Variants in PPP3CA observed in about 807,000 individuals in gnomAD.
The protein encoded by PPP3CA is protein phosphatase 3 catalytic subunit alpha.
PPP3CA carries 14 observed loss-of-function variants against 66.5 expected under a neutral mutation model. That is an observed-to-expected ratio of 0.21 (90% CI 0.14 to 0.33). The LOEUF is 0.33. Ranked by LOEUF, PPP3CA falls within the 10% of genes least tolerant of loss-of-function variation. The pLI, the probability that PPP3CA is intolerant of heterozygous loss-of-function variation, is 1.00. For synonymous variants in PPP3CA, 232 were observed against 226.2 expected (o/e 1.03, Z -0.23); for missense variants, 317 against 639.5 (o/e 0.50, Z 5.44).
chr4:101,192,007 T>C (rs910802683), intron 2 of PPP3CA, among the ~76,000 whole-genome samples: 2 of 152,160 alleles, frequency 1.3e-5, no homozygotes, highest in African/African-American at 2.4e-5. Context: ...TTCTAAATCA[T>C]TCTATTCAAA....
chr4:101,159,087 A>T (rs1156254878), intron 2 of PPP3CA, among the ~76,000 whole-genome samples: 1 of 152,184 alleles, frequency 6.6e-6, no homozygotes, highest in African/African-American at 2.4e-5. Context: ...TATGCAGACG[A>T]GGAAACTGAG....
chr4:101,165,846 TAAC>T (rs1723678171), intron 2 of PPP3CA, among the ~76,000 whole-genome samples: 1 of 152,172 alleles, frequency 6.6e-6, no homozygotes, highest in African/African-American at 2.4e-5. Flanking sequence ...ATTTTCTATA[TAAC>T]AACAGAAGTG....
At chr4:101,272,333 A>C (rs1324978535) in intron 1 of PPP3CA, among the ~76,000 whole-genome samples, 1 of 152,234 alleles carries the variant, frequency 6.6e-6, no homozygotes, top group Non-Finnish European at 1.5e-5. Context: ...AATAATTATA[A>C]GAATTATAAG....
intron 1 of PPP3CA, among the ~76,000 whole-genome samples, chr4:101,311,817 C>T (rs1054265080): frequency 4.6e-5 from 7 of 152,112 alleles, no homozygotes; most frequent in Admixed American, 4.6e-4. Flanking sequence ...TATGATGCTG[C>T]AATTTTTCTG....
At chr4:101,288,865 T>C (rs1251475186) in intron 1 of PPP3CA, among the ~76,000 whole-genome samples, 1 of 152,046 alleles carries the variant, frequency 6.6e-6, no homozygotes, top group Non-Finnish European at 1.5e-5. Flanking sequence ...CACACACATA[T>C]ACACAGGCAC....
chr4:101,279,816 G>A (rs1429320739), intron 1 of PPP3CA, among the ~76,000 whole-genome samples: 1 of 152,210 alleles, frequency 6.6e-6, no homozygotes, highest in East Asian at 1.9e-4. Flanking sequence ...GAAGAAGCTA[G>A]AATGAGCAAT....
At chr4:101,037,196 G>A (rs1490172809) in intron 11 of PPP3CA, among the ~76,000 whole-genome samples, 1 of 152,164 alleles carries the variant, frequency 6.6e-6, no homozygotes, top group African/African-American at 2.4e-5. Flanking sequence ...AAATGCTGAG[G>A]TGGAAGCTCT....
At position 101,187,664 on chromosome 4, in the gene PPP3CA, CTTGA is replaced by C. The variant is rs1183951938; in HGVS notation, c.259+8248_259+8251del. On this transcript the variant is annotated intron_variant, in intron 2 of 13. Transcript: ENST00000394854. Reference sequence around the variant, plus strand: ...TTTCAAATGAATAATGTGTTTCATGCTTGATTATCTGAGAATCTCTTATTCGCCA... The same window carrying C: ...TTTCAAATGAATAATGTGTTTCATGCTTATCTGAGAATCTCTTATTCGCCA... 7.9e-5 allele frequency among the ~76,000 whole-genome samples: 12 copies of C among 152,244 alleles called. No homozygotes were observed. The East Asian group carries it at 2.3e-3, about 29-fold the overall frequency.
At chr4:101,146,681 T>C (rs1722980546) in intron 2 of PPP3CA, among the ~76,000 whole-genome samples, 1 of 152,132 alleles carries the variant, frequency 6.6e-6, no homozygotes, top group Non-Finnish European at 1.5e-5. Flanking sequence ...GACCTCGTGA[T>C]CTGCCCACCT....
In PPP3CA at chr4:101,269,553, CGTGTGTGTGTGTGTGTGT is replaced by C. The variant is rs55721209; in HGVS notation, c.59-73455_59-73438del. On this transcript the variant is annotated intron_variant, in intron 1 of 13. Coordinates refer to ENST00000394854, the MANE Select transcript of PPP3CA (RefSeq NM_000944.5). ...ACATAAGCTCCATACAAACAAGGAA[CGTGTGTGTGTGTGTGTGT>C]GTGTGTGTGTGTGTGTGTGTGTGTG... Among the ~76,000 whole-genome samples the C allele has an allele frequency of 8.1e-3, 1,103 of 135,978 alleles. 17 individuals carry two copies. The highest frequency in any genetic ancestry group is 0.053 in the East Asian group (258 of 4,848). The allele number at this position is 135,978 out of a possible 152,430, so 89.2% of individuals were successfully genotyped here.
At chr4:101,242,886 T>C (rs1726357994) in intron 1 of PPP3CA, among the ~76,000 whole-genome samples, 1 of 152,140 alleles carries the variant, frequency 6.6e-6, no homozygotes, top group Non-Finnish European at 1.5e-5. Flanking sequence ...TATGATCACA[T>C]ACTGCACTCC....
At position 101,050,738 on chromosome 4, in the gene PPP3CA, T is replaced by C. The variant is rs1488916248; in HGVS notation, c.1157-10172A>G. ...GTTAAATAAGTAATGTGCTCATTCA[T>C]TCTCAACATTCAAAAAATAAATGTG... is the stretch of plus-strand genomic sequence containing the variant. On this transcript the variant is annotated intron_variant, in intron 10 of 13. Coordinates refer to ENST00000394854, the MANE Select transcript of PPP3CA (RefSeq NM_000944.5). Among the ~76,000 whole-genome samples, 4 of 152,302 alleles carry C rather than the reference T, an allele frequency of 2.6e-5. No individual in the cohort carries two copies. In the East Asian group the frequency reaches 7.7e-4, roughly 29 times the overall value.
chr4:101,254,192 G>A (rs1005673151), intron 1 of PPP3CA, among the ~76,000 whole-genome samples: 23 of 151,960 alleles, frequency 1.5e-4, no homozygotes, highest in African/African-American at 4.8e-4. Flanking sequence ...ATTGGTTTAC[G>A]TATCTGCCTG....
chr4:101,079,083 A>C (rs200139689), intron 8 of PPP3CA, among the ~76,000 whole-genome samples: 1 of 152,208 alleles, frequency 6.6e-6, no homozygotes, highest in East Asian at 1.9e-4. Context: ...AACACCATCC[A>C]GCAGATGTCA....
chr4:101,118,244 G>GA (rs1721909322), intron 2 of PPP3CA, among the ~76,000 whole-genome samples: 1 of 151,982 alleles, frequency 6.6e-6, no homozygotes, highest in Non-Finnish European at 1.5e-5. Flanking sequence ...CAATGGTTAG[G>GA]AACTAAGACT....
intron 10 of PPP3CA, among the ~76,000 whole-genome samples, chr4:101,052,373 T>C (rs1728049179): frequency 6.6e-6 from 1 of 152,068 alleles, no homozygotes; most frequent in Non-Finnish European, 1.5e-5. Context: ...TTCAGACATC[T>C]TTTAGTTTTA....
intron 10 of PPP3CA, among the ~76,000 whole-genome samples, chr4:101,054,354 T>C (rs1728135941): frequency 6.6e-6 from 1 of 152,074 alleles, no homozygotes. Flanking sequence ...AATTTATTAA[T>C]TCCATTTAGA....
Position 101,346,848 on chromosome 4 carries a change from C to A in PPP3CA, c.-52G>T. 6.3e-7 allele frequency: 1 copy of A among 1,582,954 alleles called. No homozygotes were observed. On this transcript the variant is annotated 5_prime_UTR_variant, in exon 1 of 14. Coordinates refer to ENST00000394854, the MANE Select transcript of PPP3CA (RefSeq NM_000944.5). The stretch of plus-strand genomic sequence containing the variant: ...GCTGCTCGTCCGTCCGACTGCACAC[C>A]CCGACCGGACCGGCGGGCCAGACAC...
At chr4:101,153,126 T>C (rs1723196414) in intron 2 of PPP3CA, among the ~76,000 whole-genome samples, 1 of 152,096 alleles carries the variant, frequency 6.6e-6, no homozygotes, top group Non-Finnish European at 1.5e-5. Context: ...CGGGGTGAAG[T>C]GGTAGGACGG....
Sources: gnomAD v4.1 joint callset for allele counts (sites outside exome capture counted in the v4.1 genomes callset) on GRCh38, gnomAD v4.1.1 for gene constraint, MANE v1.5 for transcripts, NCBI Gene and HGNC (gene_info 2026-07-23, HGNC 2026-07-21) for gene names.